The following HEATR3 variants were observed in gnomAD, a reference collection of about 807,000 sequenced individuals.
The protein encoded by HEATR3 is HEAT repeat containing 3.
In HEATR3, 56 loss-of-function variants were observed where a neutral mutation model predicts 72.8. That is an observed-to-expected ratio of 0.77 (90% CI 0.62 to 0.96). The LOEUF is 0.96. Among genes scored for constraint, HEATR3 ranks in the 40% least tolerant of loss-of-function variants. The pLI, the probability that HEATR3 is intolerant of heterozygous loss-of-function variation, is 0.00. For missense variants in HEATR3, 747 were observed against 831.4 expected, an observed-to-expected ratio of 0.90 and a Z score of 1.25; for synonymous variants, 331 against 318.1, an observed-to-expected ratio of 1.04 and a Z score of -0.43.
intron 4 of HEATR3, among the ~76,000 whole-genome samples, chr16:50,072,267 T>A (rs1338437798): frequency 6.6e-6 from 1 of 152,192 alleles, no homozygotes; most frequent in Non-Finnish European, 1.5e-5. Context: ...TGGGCCACTT[T>A]ACCACTTGGG....
At chr16:50,080,341 G>T (rs569370952) in intron 7 of HEATR3, 8 of 147,494 alleles carry the variant, frequency 5.4e-5, no homozygotes, top group African/African-American at 2.0e-4. Context: ...GTTGCTCACA[G>T]ATTTTTTTTT....
In HEATR3 at chr16:50,077,121, G is replaced by A. The variant is rs1367626436; in HGVS notation, c.763+1410G>A. 7.2e-5 allele frequency among the ~76,000 whole-genome samples: 11 copies of A among 151,766 alleles called. No homozygotes were observed. The East Asian group carries it at 9.7e-4, about 13-fold the overall frequency. On this transcript the variant is annotated intron_variant, in intron 6 of 14. Transcript: ENST00000299192. ...GATCTCCTGACCTTGTGATCCGCCCGCCTTGGCCTCCCAAAGTGCTGGGAT... is the reference window on the plus strand; with the variant it reads ...GATCTCCTGACCTTGTGATCCGCCCACCTTGGCCTCCCAAAGTGCTGGGAT...
At chr16:50,085,062 T>G (rs1338673299) in intron 10 of HEATR3, among the ~76,000 whole-genome samples, 3 of 152,058 alleles carry the variant, frequency 2.0e-5, no homozygotes, top group Non-Finnish European at 2.9e-5. Flanking sequence ...ACAGGCAACA[T>G]TGAACTATTT....
At chr16:50,071,453 T>G (rs758222793) in intron 4 of HEATR3, among the ~76,000 whole-genome samples, 1 of 152,242 alleles carries the variant, frequency 6.6e-6, no homozygotes, top group Non-Finnish European at 1.5e-5. Flanking sequence ...CCAGATAACT[T>G]TAAGTCATAG....
At chr16:50,078,618 A>G in intron 6 of HEATR3, 123 bp from the exon 7 acceptor site, 2 of 889,136 alleles carry the variant, frequency 2.2e-6, no homozygotes, top group East Asian at 5.3e-5. Flanking sequence ...ATAATGAACA[A>G]AGGCAGTAGG....
At chr16:50,069,461 A>G (rs1308596715) in intron 3 of HEATR3, among the ~76,000 whole-genome samples, 1 of 152,138 alleles carries the variant, frequency 6.6e-6, no homozygotes, top group African/African-American at 2.4e-5. Flanking sequence ...GTCATTTTAG[A>G]GCAGTGATTC....
At chr16:50,071,688 A>ATAGG (rs1027485641) in intron 4 of HEATR3, among the ~76,000 whole-genome samples, 3 of 152,222 alleles carry the variant, frequency 2.0e-5, no homozygotes, top group East Asian at 1.9e-4. Context: ...CCATAACTAG[A>ATAGG]TAGGTAGGTA....
At chr16:50,099,864 A>G (rs1324235282) in intron 12 of HEATR3, among the ~76,000 whole-genome samples, 1 of 152,230 alleles carries the variant, frequency 6.6e-6, no homozygotes, top group African/African-American at 2.4e-5. Flanking sequence ...AGACTCAGCC[A>G]ATTTTTTTAA....
At chr16:50,104,630 A>T (rs1291452432) in intron 14 of HEATR3, among the ~76,000 whole-genome samples, 1 of 152,222 alleles carries the variant, frequency 6.6e-6, no homozygotes, top group Non-Finnish European at 1.5e-5. Flanking sequence ...CAATCTGAAC[A>T]GCAGACCTTT....
rs762823888 is a variant in HEATR3 at position 50,066,894 on chromosome 16, G to GT, written c.311+355_311+356insT. On this transcript the variant is annotated intron_variant, in intron 2 of 14. Coordinates refer to ENST00000299192, the MANE Select transcript of HEATR3 (RefSeq NM_182922.4). ...GATGCAGGGGACTTTGAGCAGCCAAGACTTTTGAGCGAGATCTGTTGACAG... is the reference window on the plus strand; with the variant it reads ...GATGCAGGGGACTTTGAGCAGCCAAGTACTTTTGAGCGAGATCTGTTGACAG... 1.7e-5 allele frequency: 4 copies of GT among 240,928 alleles called. No homozygotes were observed. In the East Asian group the frequency reaches 3.2e-4, roughly 19 times the overall value. 14.9% of individuals were successfully genotyped at this position (240,928 alleles called of 1,614,324 possible).
At chr16:50,090,910 C>G (rs939080993) in intron 11 of HEATR3, among the ~76,000 whole-genome samples, 1 of 151,970 alleles carries the variant, frequency 6.6e-6, no homozygotes, top group Non-Finnish European at 1.5e-5. Context: ...TTTGATAGGC[C>G]AAGGCAGTTG....
chr16:50,093,217 G>A (rs141641008), intron 11 of HEATR3, among the ~76,000 whole-genome samples: 394 of 152,302 alleles, frequency 2.6e-3, no homozygotes, highest in Non-Finnish European at 4.6e-3. Context: ...GTGGGGGATC[G>A]GAATGGTATA....
Position 50,078,877 on chromosome 16 carries a change from G to C in HEATR3, c.900G>C (p.Thr300=). The part of the protein sequence containing the change: ...EMVIQMKEAE[T]QRLKTAAEAE... The stretch of plus-strand genomic sequence containing the variant: ...TTATTCAAATGAAAGAGGCTGAAAC[G>C]CAAAGGTTAAAAACTGCTGCAGAGG... Residue 300 remains threonine, a synonymous_variant, in exon 7 of 15, where the codon ACG becomes ACC. Transcript: ENST00000299192. The C allele has an allele frequency of 1.2e-6, 2 of 1,614,090 alleles. No homozygotes were observed. Among genetic ancestry groups the C allele is most frequent in the South Asian group, 2.2e-5 (2 of 91,078 alleles).
intron 12 of HEATR3, among the ~76,000 whole-genome samples, chr16:50,096,324 C>CAAAAAAAAAAAAAAAAAAAAAAGAAA (rs59995532): frequency 1.2e-5 from 1 of 86,820 alleles, no homozygotes; most frequent in Non-Finnish European, 2.2e-5. Context: ...GACTCCGTCT[C>CAAAAAAAAAAAAAAAAAAAAAAGAAA]AAAAAAAAAA....
chr16:50,088,379 A>G (rs2037034897), intron 11 of HEATR3, among the ~76,000 whole-genome samples: 1 of 152,224 alleles, frequency 6.6e-6, no homozygotes, highest in Non-Finnish European at 1.5e-5. Context: ...ATCAGTTAAC[A>G]GGTGTACCTT....
intron 6 of HEATR3, among the ~76,000 whole-genome samples, chr16:50,076,797 T>A (rs1296518579): frequency 6.6e-6 from 1 of 151,382 alleles, no homozygotes; most frequent in African/African-American, 2.4e-5. Context: ...CCTCCTGAGT[T>A]CAAGCGATCC....
intron 11 of HEATR3, among the ~76,000 whole-genome samples, chr16:50,090,556 A>C (rs964502713): frequency 2.0e-5 from 3 of 152,212 alleles, no homozygotes; most frequent in Non-Finnish European, 4.4e-5. Context: ...GTCTGATATC[A>C]GAGATAAAAG....
chr16:50,101,872 C>G (rs1379585760), intron 13 of HEATR3, among the ~76,000 whole-genome samples: 1 of 151,914 alleles, frequency 6.6e-6, no homozygotes, highest in Admixed American at 6.6e-5. Context: ...GAGCCACTTG[C>G]AACTGGCCTA....
At chr16:50,083,645 A>G (rs772648291) in intron 7 of HEATR3, among the ~76,000 whole-genome samples, 1 of 152,212 alleles carries the variant, frequency 6.6e-6, no homozygotes, top group Non-Finnish European at 1.5e-5. Flanking sequence ...AATTCTGTTC[A>G]GAATTCCTGA....
Sources: gnomAD v4.1 joint callset for allele counts (sites outside exome capture counted in the v4.1 genomes callset) on GRCh38, gnomAD v4.1.1 for gene constraint, MANE v1.5 for transcripts, NCBI Gene and HGNC (gene_info 2026-07-23, HGNC 2026-07-21) for gene names.